GFM1: variants seen among roughly 807,000 people sequenced by gnomAD.
GFM1 encodes the protein G elongation factor mitochondrial 1.
A neutral mutation model predicts 96.2 loss-of-function variants in GFM1; 62 were observed. The ratio of observed to expected loss-of-function variants is 0.64; its 90% CI spans 0.53 to 0.80. GFM1 has a LOEUF of 0.80. Ranked by LOEUF, GFM1 falls within the 30% of genes least tolerant of loss-of-function variation. The pLI, the probability that GFM1 is intolerant of heterozygous loss-of-function variation, is 0.00. For synonymous variants in GFM1, 282 were observed against 312.9 expected (o/e 0.90, Z 1.04); for missense variants, 852 against 916.6 (o/e 0.93, Z 0.91).
intron 8 of GFM1, 123 bp downstream of exon 8, chr3:158,654,754 G>T: frequency 1.4e-6 from 1 of 722,320 alleles, no homozygotes; most frequent in Non-Finnish European, 2.5e-6. Flanking sequence ...AGTAGAAAGA[G>T]CAGGTAGAGA....
At position 158,675,285 on chromosome 3, in the gene GFM1, CAAAAAAAAAA is replaced by C. The variant is rs1172885215; in HGVS notation, c.1602-6694_1602-6685del. ...TGGGTGACAGAGTGAGACTCCATCT[CAAAAAAAAAA>C]AAAAAAAAAAAAAAACAAGTTTTCA... is the stretch of plus-strand genomic sequence containing the variant. On this transcript the variant is annotated intron_variant, in intron 13 of 17. Transcript: ENST00000486715. 4.2e-4 allele frequency among the ~76,000 whole-genome samples: 22 copies of C among 52,672 alleles called. No homozygotes were observed. The South Asian group carries it at 0.018, about 43-fold the overall frequency. 34.6% of individuals were successfully genotyped at this position (52,672 alleles called of 152,430 possible).
rs928933375 is a variant in GFM1 at position 158,691,550 on chromosome 3, G to T, written c.*83G>T. 6.6e-6 allele frequency: 10 copies of T among 1,506,984 alleles called. No homozygotes were observed. The highest frequency in any genetic ancestry group is 9.2e-6 in the Non-Finnish European group (10 of 1,088,608). 93.4% of individuals were successfully genotyped at this position (1,506,984 alleles called of 1,614,324 possible). A position where few individuals can be genotyped will look rare whatever the true frequency, so the allele number is the denominator to read the frequency against. The stretch of plus-strand genomic sequence containing the variant: ...ATGGATTCCAGTGGAATAAATTCAG[G>T]CTGCTGAAACAAGAAATTCTGAGCC... On this transcript the variant is annotated 3_prime_UTR_variant, in exon 18 of 18. Coordinates refer to ENST00000486715, the MANE Select transcript of GFM1 (RefSeq NM_024996.7).
At chr3:158,661,027 GT>G in intron 10 of GFM1, 52 bp downstream of exon 10, 1 of 1,446,274 alleles carries the variant, frequency 6.9e-7, no homozygotes, top group Non-Finnish European at 9.7e-7. Context: ...AAAAGTCTGT[GT>G]TTTTATGTAG....
At chr3:158,655,660 AG>A (rs1722691512) in intron 8 of GFM1, 1 of 211,598 alleles carries the variant, frequency 4.7e-6, no homozygotes, top group South Asian at 7.1e-5. Context: ...AATATTTTAA[AG>A]AAAAGTTATG....
rs770648498 is a variant in GFM1 at position 158,662,671 on chromosome 3, A to G, written c.1367A>G (p.Lys456Arg). Residue 456 changes from lysine to arginine, a missense_variant, in exon 11 of 18, where the codon AAG becomes AGG. By Grantham distance (26) the Lys-to-Arg change is conservative (BLOSUM62 2). Coordinates refer to ENST00000486715, the MANE Select transcript of GFM1 (RefSeq NM_024996.7). ...GATCCTGTCATTTCAATAGCAATGA[A>G]GCCTTCTAACAAGGTAGGAGTTTGA... is the stretch of plus-strand genomic sequence containing the variant. ...VPDPVISIAM[K>R]PSNKNDLEKF... is the part of the protein sequence containing the mutation. 2 of 1,594,008 alleles carry G rather than the reference A, an allele frequency of 1.3e-6. No individual in the cohort carries two copies.
Position 158,693,154 on chromosome 3 carries a change from TCAC to T in GFM1, c.*1690_*1692del, listed in dbSNP as rs1167684201. 1.3e-5 allele frequency: 2 copies of T among 152,356 alleles called. No individual in the cohort carries two copies. Among genetic ancestry groups the T allele is most frequent in the East Asian group, 1.9e-4 (1 of 5,194 alleles). 9.4% of individuals were successfully genotyped at this position (152,356 alleles called of 1,614,324 possible). A position where few individuals can be genotyped will look rare whatever the true frequency, so the allele number is the denominator to read the frequency against. On this transcript the variant is annotated 3_prime_UTR_variant, in exon 18 of 18. Transcript: ENST00000486715. The stretch of plus-strand genomic sequence containing the variant: ...TAATTGATACTTTAATTACAATTAT[TCAC>T]CAAGTGCATTTCCCCCATGAATGTC...
chr3:158,666,920 G>C (rs1453433887), intron 13 of GFM1: 2 of 1,523,326 alleles, frequency 1.3e-6, no homozygotes, highest in Non-Finnish European at 1.8e-6. Context: ...CATGAATTCT[G>C]ATTTAGAGTC....
In GFM1 at chr3:158,662,833, T is replaced by C. The variant is rs117826875; in HGVS notation, c.1380+149T>C. Reference sequence around the variant, plus strand: ...GGTATTGAGATCTTCTTTTTAAATTTACCAGTCTGTTTCTAATGATAACTC... The same window carrying C: ...GGTATTGAGATCTTCTTTTTAAATTCACCAGTCTGTTTCTAATGATAACTC... On this transcript the variant is annotated intron_variant, in intron 11 of 17. Transcript: ENST00000486715. 1.5e-5 allele frequency: 10 copies of C among 671,908 alleles called. No homozygotes were observed. The East Asian group carries it at 2.3e-4, about 15-fold the overall frequency. 41.6% of individuals were successfully genotyped at this position (671,908 alleles called of 1,614,324 possible).
chr3:158,668,941 A>G (rs751215871), intron 13 of GFM1: 38 of 1,441,030 alleles, frequency 2.6e-5, no homozygotes, highest in Non-Finnish European at 7.6e-6. Context: ...ATGAATTACA[A>G]TACTTTCGAT....
At chr3:158,667,087 AT>A (rs758373036) in intron 13 of GFM1, 3 of 1,573,274 alleles carry the variant, frequency 1.9e-6, no homozygotes, top group South Asian at 1.2e-5. Context: ...ATGACAAAAA[AT>A]AAAAACGTGT....
intron 11 of GFM1, among the ~76,000 whole-genome samples, chr3:158,664,146 A>C (rs943510380): frequency 6.6e-6 from 1 of 152,244 alleles, no homozygotes; most frequent in Non-Finnish European, 1.5e-5. Context: ...GGCAAAACAC[A>C]TACCACAGCT....
At chr3:158,686,233 ATGTG>A (rs1328533403) in intron 15 of GFM1, among the ~76,000 whole-genome samples, 2 of 148,044 alleles carry the variant, frequency 1.4e-5, no homozygotes, top group African/African-American at 4.9e-5. Context: ...ATGCATATAT[ATGTG>A]TATTATATAA....
At chr3:158,653,159 T>G (rs545178275) in intron 6 of GFM1, 151 bp from the exon 7 acceptor site, 1 of 618,352 alleles carries the variant, frequency 1.6e-6, no homozygotes, top group African/African-American at 1.8e-5. Flanking sequence ...ATTTTGACCT[T>G]AAGTTCATTG....
chr3:158,665,433 A>T lies in GFM1; in HGVS notation c.1477A>T (p.Ile493Leu), dbSNP rs776052983. Residue 493 changes from isoleucine (I) to leucine (L), a missense_variant, in exon 12 of 18, where the codon ATA becomes TTA. Transcript: ENST00000486715. ...YFDTENKETVISGMGELHLEI... is the reference protein window; with the variant it reads ...YFDTENKETVLSGMGELHLEI... ...TGACACTGAGAACAAAGAGACAGTTATATCTGGAATGGGAGAATTACACCT... is the reference window on the plus strand; with the variant it reads ...TGACACTGAGAACAAAGAGACAGTTTTATCTGGAATGGGAGAATTACACCT... The T allele has an allele frequency of 6.2e-7, 1 of 1,610,684 alleles. No individual in the cohort carries two copies. The highest frequency in any genetic ancestry group is 2.2e-5 in the East Asian group (1 of 44,792).
At chr3:158,674,875 A>G (rs1312654717) in intron 13 of GFM1, among the ~76,000 whole-genome samples, 1 of 152,244 alleles carries the variant, frequency 6.6e-6, no homozygotes. Context: ...CAGTCCAGGA[A>G]TATCTAGTCC....
chr3:158,670,837 G>A lies in GFM1; in HGVS notation c.1601+4451G>A, dbSNP rs527308025. 348 of 1,269,994 alleles carry A rather than the reference G, an allele frequency of 2.7e-4. 14 individuals are homozygous for A. The South Asian group carries it at 6.7e-3, about 25-fold the overall frequency. The allele number at this position is 1,269,994 out of a possible 1,614,324, so 78.7% of individuals were successfully genotyped here. A position where few individuals can be genotyped will look rare whatever the true frequency, so the allele number is the denominator to read the frequency against. ...GGTCCCAGCTATTTGGGGAGGCTGA[G>A]GTGGGAAGATGGCCTGAGCCCGGGA... is the stretch of plus-strand genomic sequence containing the variant. On this transcript the variant is annotated intron_variant, in intron 13 of 17. Coordinates refer to ENST00000486715, the MANE Select transcript of GFM1 (RefSeq NM_024996.7).
chr3:158,665,095 C>G (rs1293050326), intron 11 of GFM1, among the ~76,000 whole-genome samples: 2 of 152,120 alleles, frequency 1.3e-5, no homozygotes, highest in Non-Finnish European at 2.9e-5. Flanking sequence ...AAGTCTTGGA[C>G]TCTTGTTTTC....
intron 15 of GFM1, among the ~76,000 whole-genome samples, chr3:158,686,711 T>C (rs1248031107): frequency 2.1e-5 from 3 of 146,206 alleles, no homozygotes; most frequent in African/African-American, 7.6e-5. Context: ...TAGATTATAA[T>C]TGAATTGAGG....
At chr3:158,672,051 A>G (rs1724368241) in intron 13 of GFM1, among the ~76,000 whole-genome samples, 1 of 152,198 alleles carries the variant, frequency 6.6e-6, no homozygotes, top group Non-Finnish European at 1.5e-5. Flanking sequence ...TACAGTTTAC[A>G]CTTAAGGAAA....
Sources: gnomAD v4.1 joint callset for allele counts (sites outside exome capture counted in the v4.1 genomes callset) on GRCh38, gnomAD v4.1.1 for gene constraint, MANE v1.5 for transcripts, NCBI Gene and HGNC (gene_info 2026-07-23, HGNC 2026-07-21) for gene names.